Variants in EPS8 observed in about 807,000 individuals in gnomAD.
The protein encoded by EPS8 is EGFR pathway substrate 8, signaling adaptor.
In EPS8, 42 loss-of-function variants were observed where a neutral mutation model predicts 103.8. The ratio of observed to expected loss-of-function variants is 0.40; its 90% CI spans 0.32 to 0.52. The LOEUF is 0.52. EPS8 is among the 20% of genes least tolerant of loss of function. The pLI, the probability that EPS8 is intolerant of heterozygous loss-of-function variation, is 0.40. For missense variants in EPS8, 969 were observed against 1,005.1 expected, an observed-to-expected ratio of 0.96 and a Z score of 0.49; for synonymous variants, 344 against 344.6, an observed-to-expected ratio of 1.00 and a Z score of 0.02.
chr12:15,685,348 T>G (rs766788475), intron 1 of EPS8, among the ~76,000 whole-genome samples: 2 of 152,126 alleles, frequency 1.3e-5, no homozygotes, highest in African/African-American at 2.4e-5. Context: ...ATGTGCAAGT[T>G]TCTTCCAAAA....
chr12:15,647,395 T>C (rs1834002706), intron 14 of EPS8, 135 bp from the exon 15 acceptor site: 1 of 714,620 alleles, frequency 1.4e-6, no homozygotes, highest in African/African-American at 1.8e-5. Context: ...TGTTAACACA[T>C]TATCAAATGG....
chr12:15,773,118 A>G (rs1191604543), intron 1 of EPS8, among the ~76,000 whole-genome samples: 1 of 152,166 alleles, frequency 6.6e-6, no homozygotes, highest in Non-Finnish European at 1.5e-5. Flanking sequence ...GGCAGCAGCA[A>G]AAGGATGTTA....
At position 15,728,167 on chromosome 12, in the gene EPS8, C is replaced by G. The variant is rs371651056; in HGVS notation, c.-21-45195G>C. ...ATGGAACTTTAACTGTTACCAAAAG[C>G]GTAGTCGACTGGTATTATAGAAAGA... On this transcript the variant is annotated intron_variant, in intron 1 of 20. Coordinates refer to ENST00000281172, the MANE Select transcript of EPS8 (RefSeq NM_004447.6). The surrounding 1 kb of genome is among the most constrained non-coding windows in gnomAD (Gnocchi z 4.5). 1 of 152,154 alleles carries G rather than the reference C, an allele frequency of 6.6e-6. No homozygotes were observed. 9.4% of individuals were successfully genotyped at this position (152,154 alleles called of 1,614,324 possible).
intron 7 of EPS8, 70 bp from the exon 8 acceptor site, chr12:15,665,962 G>C: frequency 1.4e-6 from 2 of 1,474,800 alleles, no homozygotes; most frequent in Non-Finnish European, 1.9e-6. Context: ...AACTCAACTT[G>C]TGGTACTAGT....
chr12:15,707,541 T>C (rs1375629009), intron 1 of EPS8, among the ~76,000 whole-genome samples: 1 of 151,450 alleles, frequency 6.6e-6, no homozygotes, highest in Non-Finnish European at 1.5e-5. Flanking sequence ...GCCTGTAAGG[T>C]AACTCACTAC....
intron 20 of EPS8, among the ~76,000 whole-genome samples, chr12:15,622,790 A>G (rs1944881162): frequency 6.6e-6 from 1 of 150,714 alleles, no homozygotes; most frequent in Admixed American, 6.6e-5. Flanking sequence ...ATCTCCAAAA[A>G]AAAAAAAATA....
At chr12:15,729,412 T>C (rs1946688802) in intron 1 of EPS8, among the ~76,000 whole-genome samples, 2 of 152,204 alleles carry the variant, frequency 1.3e-5, no homozygotes, top group South Asian at 2.1e-4. Context: ...CCTTTTGTAA[T>C]TGTCTCACAA....
chr12:15,651,021 G>C lies in EPS8; in HGVS notation c.1251-15C>G. On this transcript the variant is annotated splice_polypyrimidine_tract_variant and intron_variant, in intron 13 of 20. Coordinates refer to ENST00000281172, the MANE Select transcript of EPS8 (RefSeq NM_004447.6). The stretch of plus-strand genomic sequence containing the variant: ...GCCACTCTGCTCTGCAGGAGGGAAT[G>C]AAGGCATATAAACAATAAAATCTAG... The C allele has an allele frequency of 6.2e-7, 1 of 1,606,020 alleles. No individual in the cohort carries two copies. Among genetic ancestry groups the C allele is most frequent in the African/African-American group, 1.3e-5 (1 of 74,616 alleles).
Position 15,701,695 on chromosome 12 carries a change from A to G in EPS8, c.-21-18723T>C, listed in dbSNP as rs1481541063. Among the ~76,000 whole-genome samples the G allele has an allele frequency of 6.6e-6, 1 of 152,234 alleles. No individual in the cohort carries two copies. The highest frequency in any genetic ancestry group is 2.4e-5 in the African/African-American group (1 of 41,470). On this transcript the variant is annotated intron_variant, in intron 1 of 20. Transcript: ENST00000281172. This position sits in a 1 kb window ranked among gnomAD's most constrained non-coding sequence, Gnocchi z 5.1. ...TAAGCTTTGAAACATTACACTGTCC[A>G]GATACATTTATGTCAATCTCACTTG... is the stretch of plus-strand genomic sequence containing the variant.
chr12:15,733,009 G>C lies in EPS8; in HGVS notation c.-21-50037C>G, dbSNP rs1946734120. ...TAGTCATGACTACCACACTAGAATT[G>C]AACGATACCTAAATAATGGAGTACA... On this transcript the variant is annotated intron_variant, in intron 1 of 20. Transcript: ENST00000281172. This position sits in a 1 kb window ranked among gnomAD's most constrained non-coding sequence, Gnocchi z 4.8. Among the ~76,000 whole-genome samples, 1 of 152,124 alleles carries C rather than the reference G, an allele frequency of 6.6e-6. No individual in the cohort carries two copies. The highest frequency in any genetic ancestry group is 2.1e-4 in the South Asian group (1 of 4,828).
rs901025845 is a variant in EPS8 at position 15,752,822 on chromosome 12, A to C, written c.-22+36339T>G. Among the ~76,000 whole-genome samples, 1 of 152,118 alleles carries C rather than the reference A, an allele frequency of 6.6e-6. No individual in the cohort carries two copies. Among genetic ancestry groups the C allele is most frequent in the South Asian group, 2.1e-4 (1 of 4,818 alleles). On this transcript the variant is annotated intron_variant, in intron 1 of 20. Transcript: ENST00000281172. This position sits in a 1 kb window ranked among gnomAD's most constrained non-coding sequence, Gnocchi z 4.4. ...TCTTTATATTTATCAGTCACATAAC[A>C]CCTTAAAAATACCTTTGAATCCACT... is the stretch of plus-strand genomic sequence containing the variant.
At chr12:15,782,953 G>T (rs1591941037) in intron 1 of EPS8, among the ~76,000 whole-genome samples, 1 of 152,128 alleles carries the variant, frequency 6.6e-6, no homozygotes, top group African/African-American at 2.4e-5. Flanking sequence ...TGATTTCTTG[G>T]TGTTCTCTTG....
intron 7 of EPS8, among the ~76,000 whole-genome samples, 197 bp downstream of exon 7, chr12:15,666,243 G>C (rs945171819): frequency 6.6e-6 from 1 of 152,172 alleles, no homozygotes; most frequent in African/African-American, 2.4e-5. Flanking sequence ...AGCCATATCA[G>C]AGAAAGACCA....
chr12:15,666,920 C>T (rs986911376), intron 6 of EPS8, among the ~76,000 whole-genome samples: 2 of 152,142 alleles, frequency 1.3e-5, no homozygotes, highest in Non-Finnish European at 2.9e-5. Flanking sequence ...CCCATTAACC[C>T]AGCAAAACAA....
In EPS8 at chr12:15,771,120, T is replaced by C. The variant is rs990559871; in HGVS notation, c.-22+18041A>G. 6.6e-6 allele frequency among the ~76,000 whole-genome samples: 1 copy of C among 152,174 alleles called. No individual in the cohort carries two copies. The highest frequency in any genetic ancestry group is 2.4e-5 in the African/African-American group (1 of 41,432). On this transcript the variant is annotated intron_variant, in intron 1 of 20. Transcript: ENST00000281172. This position sits in a 1 kb window ranked among gnomAD's most constrained non-coding sequence, Gnocchi z 4.6. ...TGGGAGAGGTACCAAAGAAGGTAGA[T>C]TATTCTACAATGGCAGATAAAGTAG...
At chr12:15,722,764 T>G (rs1354944967) in intron 1 of EPS8, among the ~76,000 whole-genome samples, 1 of 152,192 alleles carries the variant, frequency 6.6e-6, no homozygotes, top group African/African-American at 2.4e-5. Flanking sequence ...TGTCCTCACA[T>G]GGCAGAAGGG....
At chr12:15,641,938 T>C (rs1402537004) in intron 15 of EPS8, 108 bp from the exon 16 acceptor site, 4 of 464,988 alleles carry the variant, frequency 8.6e-6, no homozygotes, top group African/African-American at 8.1e-5. Flanking sequence ...TCTGAAAAAT[T>C]ACAGCAGTTT....
chr12:15,656,600 T>C (rs1302570060), intron 12 of EPS8, among the ~76,000 whole-genome samples: 1 of 152,196 alleles, frequency 6.6e-6, no homozygotes, highest in African/African-American at 2.4e-5. Flanking sequence ...TTACTGCCTC[T>C]TGTCAATCTT....
At chr12:15,758,601 G>A (rs1378659852) in intron 1 of EPS8, among the ~76,000 whole-genome samples, 1 of 152,144 alleles carries the variant, frequency 6.6e-6, no homozygotes, top group Admixed American at 6.5e-5. Context: ...GATTAAAGAA[G>A]GCCTGTCAGA....
Sources: gnomAD v4.1 joint callset for allele counts (sites outside exome capture counted in the v4.1 genomes callset) on GRCh38, gnomAD v4.1.1 for gene constraint, Gnocchi (gnomAD v3.1) non-coding constraint, MANE v1.5 for transcripts, NCBI Gene and HGNC (gene_info 2026-07-23, HGNC 2026-07-21) for gene names.